Variants in CLYBL observed in about 807,000 individuals in gnomAD.
The protein encoded by CLYBL is citramalyl-CoA lyase, mitochondrial.
A neutral mutation model predicts 38.9 loss-of-function variants in CLYBL; 31 were observed. That is an observed-to-expected ratio of 0.80 (90% CI 0.60 to 1.08). CLYBL has a LOEUF of 1.08. Ranked by LOEUF, CLYBL falls within the 50% of genes least tolerant of loss-of-function variation. The probability of loss-of-function intolerance (pLI) is 0.00; values close to 1 mark genes in which losing one functional copy is unlikely to be tolerated. For missense variants in CLYBL, 434 were observed against 411.6 expected (o/e 1.05, Z -0.47); for synonymous variants, 171 against 158.6 (o/e 1.08, Z -0.59).
At chr13:99,785,243 A>G (rs9557301) in intron 2 of CLYBL, among the ~76,000 whole-genome samples, 37,505 of 105,414 alleles carry the variant, frequency 0.36, 7,249 homozygotes, top group Middle Eastern at 0.58. Context: ...GGGTCTTGCT[A>G]TGTCACCCAG....
At chr13:99,717,127 T>C (rs1251874429) in intron 1 of CLYBL, among the ~76,000 whole-genome samples, 1 of 151,972 alleles carries the variant, frequency 6.6e-6, no homozygotes, top group East Asian at 2.0e-4. Flanking sequence ...GTATAAGATA[T>C]GAATTATCTG....
At chr13:99,748,526 G>T (rs1209358291) in intron 1 of CLYBL, among the ~76,000 whole-genome samples, 1 of 122,068 alleles carries the variant, frequency 8.2e-6, no homozygotes, top group Non-Finnish European at 1.6e-5. Context: ...TGCAACCTCC[G>T]CCTCCCCGGT....
intron 1 of CLYBL, among the ~76,000 whole-genome samples, chr13:99,713,536 C>T (rs1205866430): frequency 6.6e-6 from 1 of 151,608 alleles, no homozygotes; most frequent in Non-Finnish European, 1.5e-5. Context: ...GACGGGGTTT[C>T]ACCATGTTAG....
At chr13:99,806,945 C>T (rs1302838062) in intron 2 of CLYBL, among the ~76,000 whole-genome samples, 2 of 152,176 alleles carry the variant, frequency 1.3e-5, no homozygotes, top group Non-Finnish European at 2.9e-5. Context: ...TCTACATTCT[C>T]GTGTTATGTG....
At chr13:99,859,140 G>A in intron 3 of CLYBL, 91 bp downstream of exon 3, 1 of 954,168 alleles carries the variant, frequency 1.0e-6, no homozygotes, top group Non-Finnish European at 1.5e-6. Context: ...TTTGGAAAAT[G>A]CATGCAGAGA....
chr13:99,613,502 G>C (rs2046660848), intron 1 of CLYBL, among the ~76,000 whole-genome samples: 1 of 152,102 alleles, frequency 6.6e-6, no homozygotes, highest in African/African-American at 2.4e-5. Flanking sequence ...AGCCTCCTGA[G>C]GTTACCGTGA....
chr13:99,694,999 G>A (rs546347659), intron 1 of CLYBL, among the ~76,000 whole-genome samples: 1 of 152,318 alleles, frequency 6.6e-6, no homozygotes, highest in African/African-American at 2.4e-5. Context: ...ACCTCAGCAT[G>A]TTCGCGAAGT....
At chr13:99,676,747 C>T (rs1470974609) in intron 1 of CLYBL, among the ~76,000 whole-genome samples, 2 of 152,062 alleles carry the variant, frequency 1.3e-5, no homozygotes, top group African/African-American at 4.8e-5. Context: ...GCATGCCCCA[C>T]CACTGGGTGA....
At chr13:99,656,921 A>G (rs1466780374) in intron 1 of CLYBL, among the ~76,000 whole-genome samples, 1 of 152,232 alleles carries the variant, frequency 6.6e-6, no homozygotes, top group African/African-American at 2.4e-5. Context: ...ATCTTTACCA[A>G]GGTGCATGTG....
intron 1 of CLYBL, among the ~76,000 whole-genome samples, chr13:99,729,759 C>G (rs2048546635): frequency 6.6e-6 from 1 of 152,232 alleles, no homozygotes; most frequent in South Asian, 2.1e-4. Flanking sequence ...TCCTGGACCA[C>G]TTTCAGCCTG....
At chr13:99,740,707 T>C (rs1355601260) in intron 1 of CLYBL, among the ~76,000 whole-genome samples, 1 of 152,236 alleles carries the variant, frequency 6.6e-6, no homozygotes, top group Non-Finnish European at 1.5e-5. Context: ...CCGTAGACTC[T>C]TCCCAGAGGC....
chr13:99,899,332 T>C (rs2052616897), downstream of CLYBL, among the ~76,000 whole-genome samples: 1 of 152,214 alleles, frequency 6.6e-6, no homozygotes, highest in South Asian at 2.1e-4. Flanking sequence ...TGGGTCTGCT[T>C]GGCCATTCAA....
At chr13:99,626,369 C>T (rs2046869738) in intron 1 of CLYBL, among the ~76,000 whole-genome samples, 1 of 152,200 alleles carries the variant, frequency 6.6e-6, no homozygotes, top group Non-Finnish European at 1.5e-5. Context: ...AAGGGATTCC[C>T]AGGCCAGCCC....
intron 1 of CLYBL, among the ~76,000 whole-genome samples, chr13:99,700,191 A>C (rs2048043145): frequency 6.6e-6 from 1 of 150,828 alleles, no homozygotes; most frequent in Non-Finnish European, 1.5e-5. Flanking sequence ...AGTGGCTCAC[A>C]CCTGTAATCT....
At position 99,606,709 on chromosome 13, in the gene CLYBL, T is replaced by C; in HGVS notation, c.14T>C (p.Leu5Pro). 3.3e-6 allele frequency: 5 copies of C among 1,493,828 alleles called. No homozygotes were observed. The highest frequency in any genetic ancestry group is 4.4e-6 in the Non-Finnish European group (5 of 1,128,268). The allele number at this position is 1,493,828 out of a possible 1,614,324, so 92.5% of individuals were successfully genotyped here. ...CGCGTCGGGAAGATGGCGCTACGTC[T>C]GCTGCGGAGGGCGGCGCGCGGAGCT... Reference protein sequence around the residue: MALRLLRRAARGAAA... With the variant: MALRPLRRAARGAAA... Residue 5 changes from leucine (L) to proline (P), a missense_variant, in exon 1 of 9, where the codon CTG (leucine) becomes CCG (proline). Transcript: ENST00000339105.
chr13:99,621,331 C>T (rs1297164695), intron 1 of CLYBL, among the ~76,000 whole-genome samples: 1 of 152,152 alleles, frequency 6.6e-6, no homozygotes, highest in Non-Finnish European at 1.5e-5. Flanking sequence ...GGCCCACATG[C>T]ACCACTCACC....
At chr13:99,885,941 G>T (rs1286583633) in intron 7 of CLYBL, among the ~76,000 whole-genome samples, 1 of 152,206 alleles carries the variant, frequency 6.6e-6, no homozygotes, top group Non-Finnish European at 1.5e-5. Flanking sequence ...GCACAGCCAG[G>T]ATCTCGAGGA....
At chr13:99,733,216 A>G (rs2048618535) in intron 1 of CLYBL, among the ~76,000 whole-genome samples, 1 of 152,144 alleles carries the variant, frequency 6.6e-6, no homozygotes. Context: ...ATTAACTTTT[A>G]AGATCTCATA....
At chr13:99,649,546 A>G (rs1453518898) in intron 1 of CLYBL, among the ~76,000 whole-genome samples, 2 of 152,190 alleles carry the variant, frequency 1.3e-5, no homozygotes, top group East Asian at 1.9e-4. Flanking sequence ...AATTTGGAAT[A>G]TTGATGGAGG....
Sources: gnomAD v4.1 joint callset for allele counts (sites outside exome capture counted in the v4.1 genomes callset) on GRCh38, gnomAD v4.1.1 for gene constraint, MANE v1.5 for transcripts, NCBI Gene and HGNC (gene_info 2026-07-23, HGNC 2026-07-21) for gene names.